Variants in LRRC40 observed in about 807,000 individuals in gnomAD.
LRRC40 encodes leucine-rich repeat-containing protein 40.
LRRC40 carries 76 observed loss-of-function variants against 72.8 expected under a neutral mutation model. The ratio of observed to expected loss-of-function variants is 1.04; its 90% confidence interval spans 0.87 to 1.26. The LOEUF (loss-of-function observed/expected upper bound fraction) is 1.26, where lower values mean the gene tolerates loss of function less well. Ranked by LOEUF, LRRC40 falls within the 50% of genes most tolerant of loss-of-function variation. The pLI is 0.00. For missense variants in LRRC40, 684 were observed against 698.9 expected (o/e 0.98, Z 0.24); for synonymous variants, 243 against 254.2 (o/e 0.96, Z 0.42).
chr1:70,174,818 G>T (rs1344390277), intron 7 of LRRC40, among the ~76,000 whole-genome samples: 1 of 151,986 alleles, frequency 6.6e-6, no homozygotes, highest in South Asian at 2.1e-4. Flanking sequence ...AACTTTTTAG[G>T]GAGATAGAAA....
rs138872360 is a variant in LRRC40 at position 70,146,711 on chromosome 1, A to G, written c.1704-806T>C. 3.2e-3 allele frequency among the ~76,000 whole-genome samples: 484 copies of G among 152,242 alleles called. 3 individuals carry two copies. Among genetic ancestry groups the G allele is most frequent in the African/African-American group, 0.011 (461 of 41,560 alleles). ...CAAGCCAAGGACTGTAATGTAATCA[A>G]TGTATCACCACCACTGCTCCACCCC... On this transcript the variant is annotated intron_variant, in intron 14 of 14. Coordinates refer to ENST00000370952, the MANE Select transcript of LRRC40 (RefSeq NM_017768.5).
intron 10 of LRRC40, among the ~76,000 whole-genome samples, chr1:70,158,180 C>T (rs1002486905): frequency 1.4e-5 from 2 of 147,826 alleles, no homozygotes; most frequent in African/African-American, 5.0e-5. Flanking sequence ...CAGAAGAGTG[C>T]TACCTGTGTT....
chr1:70,203,784 G>A (rs550195952), intron 1 of LRRC40, among the ~76,000 whole-genome samples: 4 of 152,232 alleles, frequency 2.6e-5, no homozygotes, highest in East Asian at 1.9e-4. Context: ...ACCCCGTAAC[G>A]AACTACAAAC....
At chr1:70,187,864 G>GAAGAGAAGAGAAGAGAA (rs775207823) in intron 2 of LRRC40, among the ~76,000 whole-genome samples, 8 of 151,302 alleles carry the variant, frequency 5.3e-5, no homozygotes, top group Admixed American at 5.3e-4. Context: ...GAAGAGAAGA[G>GAAGAGAAGAGAAGAGAA]AAGAGAAGAG....
rs1225504397 is a variant in LRRC40, at chr1:70,174,821, G to A, written c.977+989C>T. ...AAGGTATGAGGAAACTTTTTAGGGAGATAGAAATGTTCTACATGGCTGTGA... is the reference window on the plus strand; with the variant it reads ...AAGGTATGAGGAAACTTTTTAGGGAAATAGAAATGTTCTACATGGCTGTGA... On this transcript the variant is annotated intron_variant, in intron 7 of 14. Coordinates refer to ENST00000370952, the MANE Select transcript of LRRC40 (RefSeq NM_017768.5). Among the ~76,000 whole-genome samples, 3 of 152,096 alleles carry A rather than the reference G, an allele frequency of 2.0e-5. No individual in the cohort carries two copies. The East Asian group carries it at 5.8e-4, about 29-fold the overall frequency.
chr1:70,161,646 C>T (rs1667765798), intron 9 of LRRC40, among the ~76,000 whole-genome samples: 1 of 151,978 alleles, frequency 6.6e-6, no homozygotes, highest in Non-Finnish European at 1.5e-5. Context: ...CGAGTGTCAC[C>T]TAGAACGAAG....
intron 9 of LRRC40, among the ~76,000 whole-genome samples, chr1:70,161,643 C>A (rs1467880554): frequency 1.3e-4 from 20 of 151,938 alleles, no homozygotes; most frequent in Non-Finnish European, 2.6e-4. Context: ...GAACGAGTGT[C>A]ACCTAGAACG....
intron 5 of LRRC40, among the ~76,000 whole-genome samples, chr1:70,180,876 C>A (rs1668228824): frequency 6.6e-6 from 1 of 152,200 alleles, no homozygotes; most frequent in Non-Finnish European, 1.5e-5. Context: ...TCTTCTTTTT[C>A]ATATGCCTAA....
In LRRC40 at chr1:70,199,215, T is replaced by TCTCACACACA. The variant is rs368673737; in HGVS notation, c.151+6174_151+6175insTGTGTGTGAG. Among the ~76,000 whole-genome samples, 12 of 140,518 alleles carry TCTCACACACA rather than the reference T, an allele frequency of 8.5e-5. No individual in the cohort carries two copies. In the East Asian group the frequency reaches 2.5e-3, roughly 29 times the overall value. 92.2% of individuals were successfully genotyped at this position (140,518 alleles called of 152,430 possible). On this transcript the variant is annotated intron_variant, in intron 1 of 14. Coordinates refer to ENST00000370952, the MANE Select transcript of LRRC40 (RefSeq NM_017768.5). The stretch of plus-strand genomic sequence containing the variant: ...AATAGCAGTCAAATTATACATAGTC[T>TCTCACACACA]CACACACACACACACACACACACAC...
intron 1 of LRRC40, among the ~76,000 whole-genome samples, chr1:70,191,502 A>G (rs34821575): frequency 0.11 from 16,178 of 152,116 alleles, 1,011 homozygotes; most frequent in East Asian, 0.3. Context: ...ACTTGTCTTT[A>G]TGGGAACCAT....
chr1:70,189,346 T>C, intron 1 of LRRC40, 73 bp from the exon 2 acceptor site: 1 of 1,236,938 alleles, frequency 8.1e-7, no homozygotes, highest in Non-Finnish European at 1.1e-6. Context: ...AGATACTAAG[T>C]GACATGCTTT....
intron 7 of LRRC40, among the ~76,000 whole-genome samples, chr1:70,174,651 T>G (rs1668065500): frequency 6.6e-6 from 1 of 151,998 alleles, no homozygotes; most frequent in South Asian, 2.1e-4. Flanking sequence ...TCACAAAAAC[T>G]TTATGTTACA....
intron 4 of LRRC40, among the ~76,000 whole-genome samples, chr1:70,183,163 A>G (rs1486888427): frequency 6.6e-6 from 1 of 152,206 alleles, no homozygotes; most frequent in African/African-American, 2.4e-5. Flanking sequence ...AGAACAAATG[A>G]GGGAAGTATC....
intron 9 of LRRC40, among the ~76,000 whole-genome samples, chr1:70,160,379 T>C (rs17357463): frequency 0.08 from 12,250 of 152,246 alleles, 557 homozygotes; most frequent in South Asian, 0.19. Context: ...GATTAAGCTA[T>C]TATTGCTTCC....
intron 11 of LRRC40, among the ~76,000 whole-genome samples, chr1:70,155,410 T>C (rs1423223586): frequency 6.6e-6 from 1 of 152,056 alleles, no homozygotes; most frequent in East Asian, 1.9e-4. Context: ...ATGGGAAAAA[T>C]AATGTTTTTA....
chr1:70,154,860 T>A (rs1029942944), intron 11 of LRRC40, among the ~76,000 whole-genome samples: 2 of 152,138 alleles, frequency 1.3e-5, no homozygotes, highest in African/African-American at 2.4e-5. Flanking sequence ...CAGGCACTAT[T>A]ATTATCCCTA....
chr1:70,188,224 G>A (rs1257244460), intron 2 of LRRC40, among the ~76,000 whole-genome samples: 1 of 152,060 alleles, frequency 6.6e-6, no homozygotes, highest in African/African-American at 2.4e-5. Flanking sequence ...GACTTTTTAT[G>A]TTGATAAGTA....
chr1:70,167,244 A>AAAG (rs1553213527), intron 9 of LRRC40, among the ~76,000 whole-genome samples: 8 of 151,546 alleles, frequency 5.3e-5, no homozygotes, highest in African/African-American at 1.7e-4. Context: ...AAAAAAAAAA[A>AAAG]AAAGAAAAAA....
At chr1:70,195,349 AC>A (rs1668584375) in intron 1 of LRRC40, among the ~76,000 whole-genome samples, 1 of 151,608 alleles carries the variant, frequency 6.6e-6, no homozygotes, top group Non-Finnish European at 1.5e-5. Context: ...CAAAGTCGTT[AC>A]CCAAGAATAA....
Sources: gnomAD v4.1 joint callset for allele counts (sites outside exome capture counted in the v4.1 genomes callset) on GRCh38, gnomAD v4.1.1 for gene constraint, MANE v1.5 for transcripts, NCBI Gene and HGNC (gene_info 2026-07-23, HGNC 2026-07-21) for gene names.